The following TAS2R20 variants were observed in gnomAD, a reference collection of about 807,000 sequenced individuals.
The protein encoded by TAS2R20 is taste 2 receptor member 20.
For missense variants in TAS2R20, 364 were observed against 352.2 expected (o/e 1.03, Z -0.27); for synonymous variants, 136 against 127.1 (o/e 1.07, Z -0.47).
chr12:10,997,833 C>G lies in TAS2R20; in HGVS notation c.43G>C (p.Val15Leu). 1 of 1,610,720 alleles carries G rather than the reference C, an allele frequency of 6.2e-7. No homozygotes were observed. The highest frequency in any genetic ancestry group is 8.5e-7 in the Non-Finnish European group (1 of 1,179,098). Reference sequence around the variant, plus strand: ...GCAAAATTTCCAAGAATAAATGCAACCACTACTAGAATGGAAAAAACAATG... The same window carrying G: ...GCAAAATTTCCAAGAATAAATGCAAGCACTACTAGAATGGAAAAAACAATG... ...LHIVFSILVV[V>L]AFILGNFANG... Residue 15 changes from valine to leucine, a missense_variant, in exon 1 of 1, where the codon GTT (valine) becomes CTT (leucine). Physicochemically the swap from Val to Leu is conservative, Grantham distance 32. Transcript: ENST00000538986.
Position 10,997,497 on chromosome 12 carries a change from T to C in TAS2R20, c.379A>G (p.Ser127Gly), listed in dbSNP as rs1940336942. Residue 127 changes from serine (S) to glycine (G), a missense_variant, in exon 1 of 1, where the codon AGT (serine) becomes GGT (glycine). Transcript: ENST00000538986. ...IFHHLKRKAKSVVLVIVLGSL... is the reference protein window; with the variant it reads ...IFHHLKRKAKGVVLVIVLGSL... ...CCCAACACTATCACCAGAACTACAC[T>C]CTTAGCCTTCCTTTTTAAGTGATGA... The C allele has an allele frequency of 1.2e-6, 2 of 1,613,810 alleles. No individual in the cohort carries two copies. The highest frequency in any genetic ancestry group is 1.7e-5 in the Admixed American group (1 of 59,948).
At position 10,997,216 on chromosome 12, in the gene TAS2R20, G is replaced by A. The variant is rs888316451; in HGVS notation, c.660C>T (p.Ser220=). The change falls in exon 1 of 1, where the codon AGC becomes AGT. Residue 220 remains serine (S), a synonymous_variant. Transcript: ENST00000538986. ...QLHGKGSQDP[S]TKIHIKALQT... ...GCAGAGCTTTTATGTGGATCTTGGT[G>A]CTGGGATCTTGAGATCCTTTGCCAT... 4.3e-6 allele frequency: 7 copies of A among 1,614,108 alleles called. No individual in the cohort carries two copies. Among genetic ancestry groups the A allele is most frequent in the African/African-American group, 1.3e-5 (1 of 75,036 alleles).
At position 10,997,667 on chromosome 12, in the gene TAS2R20, A is replaced by C. The variant is rs141939870; in HGVS notation, c.209T>G (p.Val70Gly). The stretch of plus-strand genomic sequence containing the variant: ...TAAATTAGATGAAGTTGGATTCAAC[A>C]CAGTTGAATACCAATGTAATAATAT... ...WVILLHWYSTVLNPTSSNLKV... is the reference protein window; with the variant it reads ...WVILLHWYSTGLNPTSSNLKV... Residue 70 changes from valine to glycine, a missense_variant, in exon 1 of 1, where the codon GTG (valine) becomes GGG (glycine). Transcript: ENST00000538986. The C allele has an allele frequency of 7.7e-4, 1,245 of 1,613,218 alleles. 6 individuals carry two copies. In the African/African-American group the frequency reaches 0.014, roughly 19 times the overall value.
At position 10,997,315 on chromosome 12, in the gene TAS2R20, T is replaced by C. The variant is rs1940319596; in HGVS notation, c.561A>G (p.Pro187=). 1 of 1,613,978 alleles carries C rather than the reference T, an allele frequency of 6.2e-7. No individual in the cohort carries two copies. The highest frequency in any genetic ancestry group is 8.5e-7 in the Non-Finnish European group (1 of 1,180,010). Reference sequence around the variant, plus strand: ...GAAAAGATATCAGGGTCAGAGTGAATGGTATCAAGTTTGCTAGCATGGCTA... The same window carrying C: ...GAAAAGATATCAGGGTCAGAGTGAACGGTATCAAGTTTGCTAGCATGGCTA... The part of the protein sequence containing the change: ...LTVAMLANLI[P]FTLTLISFLL... The change falls in exon 1 of 1, where the codon CCA becomes CCG. Residue 187 remains proline (P), a synonymous_variant. Transcript: ENST00000538986.
chr12:10,997,797 T>C lies in TAS2R20; in HGVS notation c.79A>G (p.Ile27Val), dbSNP rs745989110. The C allele has an allele frequency of 1.2e-6, 2 of 1,613,580 alleles. No homozygotes were observed. Among genetic ancestry groups the C allele is most frequent in the South Asian group, 2.2e-5 (2 of 90,978 alleles). Reference protein sequence around the residue: ...FILGNFANGFIALINFIAWVK... With the variant: ...FILGNFANGFVALINFIAWVK... The stretch of plus-strand genomic sequence containing the variant: ...CAGGCAATGAAATTTATCAGTGCTA[T>C]AAAGCCATTGGCAAAATTTCCAAGA... The change falls in exon 1 of 1, where the codon ATA becomes GTA. Residue 27 changes from isoleucine (I) to valine (V), a missense_variant. Coordinates refer to ENST00000538986, the MANE Select transcript of TAS2R20 (RefSeq NM_176889.4).
At position 10,996,826 on chromosome 12, in the gene TAS2R20, T is replaced by A; in HGVS notation, c.*120A>T. Reference sequence around the variant, plus strand: ...AACTTAGGTAAAAGACTTTTCTATGTCAACTTTTGGAAATTACTCAAATAC... The same window carrying A: ...AACTTAGGTAAAAGACTTTTCTATGACAACTTTTGGAAATTACTCAAATAC... On this transcript the variant is annotated 3_prime_UTR_variant, in exon 1 of 1. Transcript: ENST00000538986. The A allele has an allele frequency of 1.1e-6, 1 of 877,906 alleles. No homozygotes were observed. Among genetic ancestry groups the A allele is most frequent in the Non-Finnish European group, 1.6e-6 (1 of 616,938 alleles). The allele number at this position is 877,906 out of a possible 1,614,324, so 54.4% of individuals were successfully genotyped here.
rs746101556 is a variant in TAS2R20 at position 10,997,699 on chromosome 12, G to A, written c.177C>T (p.Leu59=). The A allele has an allele frequency of 2.5e-6, 4 of 1,613,688 alleles. No homozygotes were observed. The African/African-American group carries it at 5.3e-5, about 22-fold the overall frequency. The part of the protein sequence containing the change: ...AALAVSRVGL[L]WVILLHWYST... ...AATACCAATGTAATAATATTACCCA[G>A]AGCAAACCAACTCTGGAGACTGCCA... Residue 59 remains leucine (L), a synonymous_variant, in exon 1 of 1, where the codon CTC becomes CTT. Coordinates refer to ENST00000538986, the MANE Select transcript of TAS2R20 (RefSeq NM_176889.4).
In TAS2R20 at chr12:10,997,501, A is replaced by T. The variant is rs772284511; in HGVS notation, c.375T>A (p.Ala125=). The T allele has an allele frequency of 6.2e-6, 10 of 1,613,878 alleles. No homozygotes were observed. The highest frequency in any genetic ancestry group is 8.5e-6 in the Non-Finnish European group (10 of 1,179,968). The stretch of plus-strand genomic sequence containing the variant: ...ACACTATCACCAGAACTACACTCTT[A>T]GCCTTCCTTTTTAAGTGATGAAAAA... ...RLIFHHLKRK[A]KSVVLVIVLG... The change falls in exon 1 of 1, where the codon GCT becomes GCA. Residue 125 remains alanine, a synonymous_variant. Coordinates refer to ENST00000538986, the MANE Select transcript of TAS2R20 (RefSeq NM_176889.4).
In TAS2R20 at chr12:10,997,756, C is replaced by A; in HGVS notation, c.120G>T (p.Lys40Asn). 4 of 1,613,912 alleles carry A rather than the reference C, an allele frequency of 2.5e-6. No homozygotes were observed. The South Asian group carries it at 4.4e-5, about 18-fold the overall frequency. ...CAATAATTTGATCAGCTGAGGAGAT[C>A]TTTTGTCTCTTGACCCAGGCAATGA... ...INFIAWVKRQKISSADQIIAA... is the reference protein window; with the variant it reads ...INFIAWVKRQNISSADQIIAA... The change falls in exon 1 of 1, where the codon AAG (lysine) becomes AAT (asparagine). Residue 40 changes from lysine to asparagine, a missense_variant. Lys to Asn is a moderately conservative substitution (Grantham distance 94). Coordinates refer to ENST00000538986, the MANE Select transcript of TAS2R20 (RefSeq NM_176889.4).
chr12:10,996,777 A>T lies in TAS2R20; in HGVS notation c.*169T>A, dbSNP rs1472427230. On this transcript the variant is annotated 3_prime_UTR_variant, in exon 1 of 1. Transcript: ENST00000538986. Reference sequence around the variant, plus strand: ...ATACACACACACGCAAATGTATATTATATATATATACTTTTATATAATAAA... The same window carrying T: ...ATACACACACACGCAAATGTATATTTTATATATATACTTTTATATAATAAA... 1 of 404,284 alleles carries T rather than the reference A, an allele frequency of 2.5e-6. No individual in the cohort carries two copies. The highest frequency in any genetic ancestry group is 4.3e-6 in the Non-Finnish European group (1 of 234,608). The allele number at this position is 404,284 out of a possible 1,614,324, so 25.0% of individuals were successfully genotyped here. A position where few individuals can be genotyped will look rare whatever the true frequency, so the allele number is the denominator to read the frequency against.
Position 10,996,291 on chromosome 12 carries a change from T to C in TAS2R20, c.*655A>G, listed in dbSNP as rs1362507322. ...TTGTGGTGAGCCAAGATTGTGCTACTGCATTCCAGCCTGGACAACAGGGCA... is the reference window on the plus strand; with the variant it reads ...TTGTGGTGAGCCAAGATTGTGCTACCGCATTCCAGCCTGGACAACAGGGCA... On this transcript the variant is annotated 3_prime_UTR_variant, in exon 1 of 1. Coordinates refer to ENST00000538986, the MANE Select transcript of TAS2R20 (RefSeq NM_176889.4). Among the ~76,000 whole-genome samples, 1 of 151,720 alleles carries C rather than the reference T, an allele frequency of 6.6e-6. No homozygotes were observed. Among genetic ancestry groups the C allele is most frequent in the Non-Finnish European group, 1.5e-5 (1 of 67,968 alleles).
the TAS2R20 span, chr12:10,996,991 C>T: frequency 6.2e-7 from 1 of 1,613,636 alleles, no homozygotes; most frequent in South Asian, 1.1e-5. Flanking sequence ...AAGTCACCTG[C>T]CACAAAACTG....
rs532266422 is a variant in TAS2R20 at position 10,997,317 on chromosome 12, G to A, written c.559C>T (p.Pro187Ser). ...LTVAMLANLI[P>S]FTLTLISFLL... ...AAAGATATCAGGGTCAGAGTGAATG[G>A]TATCAAGTTTGCTAGCATGGCTACA... Residue 187 changes from proline to serine, a missense_variant, in exon 1 of 1, where the codon CCA (proline) becomes TCA (serine). Transcript: ENST00000538986. 6.1e-5 allele frequency: 99 copies of A among 1,614,070 alleles called. No individual in the cohort carries two copies. In the East Asian group the frequency reaches 2.0e-3, roughly 32 times the overall value.
chr12:10,997,437 T>C lies in TAS2R20; in HGVS notation c.439A>G (p.Lys147Glu). Residue 147 changes from lysine to glutamate, a missense_variant, in exon 1 of 1, where the codon AAA becomes GAA. By Grantham distance (56) the Lys-to-Glu change is moderately conservative (BLOSUM62 1). Coordinates refer to ENST00000538986, the MANE Select transcript of TAS2R20 (RefSeq NM_176889.4). The stretch of plus-strand genomic sequence containing the variant: ...GTCCACACATTTATATACGTGTGTT[T>C]CATCACAAGGTGACAAACCAAAAAG... Reference protein sequence around the residue: ...LFFLVCHLVMKHTYINVWTEE... With the variant: ...LFFLVCHLVMEHTYINVWTEE... 3 of 1,613,806 alleles carry C rather than the reference T, an allele frequency of 1.9e-6. No homozygotes were observed. The highest frequency in any genetic ancestry group is 1.7e-6 in the Non-Finnish European group (2 of 1,179,764).
At position 10,997,342 on chromosome 12, in the gene TAS2R20, A is replaced by G. The variant is rs1467636825; in HGVS notation, c.534T>C (p.Thr178=). Residue 178 remains threonine, a synonymous_variant, in exon 1 of 1, where the codon ACT becomes ACC. Transcript: ENST00000538986. ...LRNAMHLSNL[T]VAMLANLIPF... ...GTATCAAGTTTGCTAGCATGGCTAC[A>G]GTCAAGTTGGAAAGGTGCATTGCAT... is the stretch of plus-strand genomic sequence containing the variant. The G allele has an allele frequency of 2.5e-6, 4 of 1,614,104 alleles. No homozygotes were observed. The South Asian group carries it at 3.3e-5, about 13-fold the overall frequency.
Position 10,997,208 on chromosome 12 carries a change from A to G in TAS2R20, c.668T>C (p.Ile223Thr), listed in dbSNP as rs1437803577. 2.0e-5 allele frequency: 32 copies of G among 1,613,992 alleles called. No individual in the cohort carries two copies. The highest frequency in any genetic ancestry group is 2.5e-5 in the Non-Finnish European group (29 of 1,179,994). ...CACAGTTTGCAGAGCTTTTATGTGG[A>G]TCTTGGTGCTGGGATCTTGAGATCC... Reference protein sequence around the residue: ...GKGSQDPSTKIHIKALQTVTS... With the variant: ...GKGSQDPSTKTHIKALQTVTS... Residue 223 changes from isoleucine (I) to threonine (T), a missense_variant, in exon 1 of 1, where the codon ATC (isoleucine) becomes ACC (threonine). Transcript: ENST00000538986.
In TAS2R20 at chr12:10,996,037, T is replaced by A. The variant is rs1940210281; in HGVS notation, c.*909A>T. Among the ~76,000 whole-genome samples, 1 of 151,812 alleles carries A rather than the reference T, an allele frequency of 6.6e-6. No homozygotes were observed. Among genetic ancestry groups the A allele is most frequent in the African/African-American group, 2.4e-5 (1 of 41,310 alleles). On this transcript the variant is annotated 3_prime_UTR_variant, in exon 1 of 1. Transcript: ENST00000538986. ...TATTTGCTTTATATTAAACATAAAA[T>A]AAGAATTCATCATGAATGTCTATAA...
rs1940218779 is a variant in TAS2R20 at position 10,996,147 on chromosome 12, C to G, written c.*799G>C. On this transcript the variant is annotated 3_prime_UTR_variant, in exon 1 of 1. Transcript: ENST00000538986. ...CCTGGCCAGCATGGTGAAACCCCAT[C>G]TCTACTAAAAAAAAAAAGAAAAATA... 6.6e-6 allele frequency among the ~76,000 whole-genome samples: 1 copy of G among 151,186 alleles called. No individual in the cohort carries two copies. The highest frequency in any genetic ancestry group is 2.1e-4 in the South Asian group (1 of 4,804).
Position 10,997,581 on chromosome 12 carries a change from C to A in TAS2R20, c.295G>T (p.Ala99Ser). 1 of 1,614,026 alleles carries A rather than the reference C, an allele frequency of 6.2e-7. No homozygotes were observed. The highest frequency in any genetic ancestry group is 8.5e-7 in the Non-Finnish European group (1 of 1,179,970). ...AAATAAAATATGCTGAGGCTAGTAG[C>A]AAGCCAGATGCTGAAATGATTGGTT... is the stretch of plus-strand genomic sequence containing the variant. ...AVTNHFSIWL[A>S]TSLSIFYLLK... Residue 99 changes from alanine (A) to serine (S), a missense_variant, in exon 1 of 1, where the codon GCT becomes TCT. By Grantham distance (99) the Ala-to-Ser change is moderately conservative. Coordinates refer to ENST00000538986, the MANE Select transcript of TAS2R20 (RefSeq NM_176889.4).
Sources: allele counts gnomAD v4.1 joint callset (sites outside exome capture counted in the v4.1 genomes callset), GRCh38; gene constraint gnomAD v4.1.1; transcripts MANE v1.5; gene names NCBI Gene and HGNC (gene_info 2026-07-23, HGNC 2026-07-21).